The following CHRM3 variants were observed in gnomAD, a reference collection of about 807,000 sequenced individuals.
The protein encoded by CHRM3 is cholinergic receptor muscarinic 3.
Under a neutral mutation model 41.8 loss-of-function variants are expected in CHRM3, and 11 were observed. The ratio of observed to expected loss-of-function variants is 0.26; its 90% CI spans 0.17 to 0.44. The LOEUF (loss-of-function observed/expected upper bound fraction) is 0.44. Ranked by LOEUF, CHRM3 falls within the 20% of genes least tolerant of loss-of-function variation. The pLI, the probability that CHRM3 is intolerant of heterozygous loss-of-function variation, is 1.00. For synonymous variants in CHRM3, 297 were observed against 301.4 expected, an observed-to-expected ratio of 0.99 and a Z score of 0.15; for missense variants, 571 against 745.4, an observed-to-expected ratio of 0.77 and a Z score of 2.72.
At chr1:239,629,096 C>G (rs1405673586) in intron 3 of CHRM3, 1 of 124,680 alleles carries the variant, frequency 8.0e-6, no homozygotes, top group African/African-American at 3.1e-5. Context: ...CGCCCCTCCC[C>G]CAGCCTCGTT....
At chr1:239,772,701 A>G (rs1376055716) in intron 5 of CHRM3, among the ~76,000 whole-genome samples, 1 of 152,074 alleles carries the variant, frequency 6.6e-6, no homozygotes, top group Non-Finnish European at 1.5e-5. Flanking sequence ...ACCCCACTGT[A>G]CATGATGCCT....
At chr1:239,516,713 A>G (rs975066320) in intron 2 of CHRM3, among the ~76,000 whole-genome samples, 1 of 152,194 alleles carries the variant, frequency 6.6e-6, no homozygotes, top group African/African-American at 2.4e-5. Flanking sequence ...GCTATGGCCT[A>G]TTAGGAACCA....
At position 239,784,094 on chromosome 1, in the gene CHRM3, T is replaced by C. The variant is rs539435619; in HGVS notation, c.-146-43158T>C. On this transcript the variant is annotated intron_variant, in intron 5 of 6. Coordinates refer to ENST00000676153, the MANE Select transcript of CHRM3 (RefSeq NM_001375978.1). ...CAAGATTCATCAGTTCTATAAGTTT[T>C]TGCTTCACTTACTTAGATGCTTTCT... is the stretch of plus-strand genomic sequence containing the variant. Among the ~76,000 whole-genome samples, 15 of 152,358 alleles carry C rather than the reference T, an allele frequency of 9.8e-5. No individual in the cohort carries two copies. In the South Asian group the frequency reaches 2.3e-3, roughly 23 times the overall value.
At chr1:239,409,963 A>G (rs997361446) in intron 1 of CHRM3, among the ~76,000 whole-genome samples, 1 of 152,158 alleles carries the variant, frequency 6.6e-6, no homozygotes, top group Admixed American at 6.5e-5. Context: ...CAAAAAAAAG[A>G]TAGCAGAATG....
chr1:239,407,350 C>G (rs1660671732), intron 1 of CHRM3, among the ~76,000 whole-genome samples: 1 of 150,806 alleles, frequency 6.6e-6, no homozygotes, highest in Non-Finnish European at 1.5e-5. Flanking sequence ...TATTTTTTCA[C>G]TCACTGTCTG....
intron 5 of CHRM3, among the ~76,000 whole-genome samples, chr1:239,732,298 C>G (rs1664036396): frequency 7.8e-6 from 1 of 127,642 alleles, no homozygotes. Flanking sequence ...CCTAATATCT[C>G]ACTTAGATAA....
At chr1:239,441,010 G>A (rs1472217817) in intron 1 of CHRM3, among the ~76,000 whole-genome samples, 1 of 152,094 alleles carries the variant, frequency 6.6e-6, no homozygotes, top group Non-Finnish European at 1.5e-5. Context: ...AGTGCTCTTA[G>A]TGTTGACAGT....
At chr1:239,745,076 A>G (rs1335502936) in intron 5 of CHRM3, among the ~76,000 whole-genome samples, 5 of 152,092 alleles carry the variant, frequency 3.3e-5, no homozygotes, top group African/African-American at 4.8e-5. Context: ...AGTGGGAGGA[A>G]GTGGTGATGA....
intron 1 of CHRM3, among the ~76,000 whole-genome samples, chr1:239,467,232 G>A (rs1157264218): frequency 6.6e-6 from 1 of 152,066 alleles, no homozygotes; most frequent in African/African-American, 2.4e-5. Flanking sequence ...AATTATATTT[G>A]TTTTAAATTA....
chr1:239,416,371 A>C (rs1661503766), intron 1 of CHRM3, among the ~76,000 whole-genome samples: 1 of 149,802 alleles, frequency 6.7e-6, no homozygotes, highest in African/African-American at 2.5e-5. Context: ...CAATAATACT[A>C]CTCTCGGTGG....
intron 5 of CHRM3, among the ~76,000 whole-genome samples, chr1:239,825,987 G>A (rs188866726): frequency 2.0e-4 from 31 of 152,288 alleles, no homozygotes; most frequent in African/African-American, 5.8e-4. Flanking sequence ...TACCATTTAC[G>A]TGAGGAACAT....
chr1:239,896,302 A>C (rs376753741), intron 6 of CHRM3, among the ~76,000 whole-genome samples: 38 of 152,176 alleles, frequency 2.5e-4, no homozygotes, highest in African/African-American at 9.2e-4. Flanking sequence ...CCACCACATC[A>C]ACTCAAGCAA....
At chr1:239,697,229 T>G (rs1260713547) in intron 5 of CHRM3, among the ~76,000 whole-genome samples, 2 of 152,112 alleles carry the variant, frequency 1.3e-5, no homozygotes, top group Non-Finnish European at 2.9e-5. Flanking sequence ...TGGGGGCAGG[T>G]CTTTCCCATG....
intron 5 of CHRM3, among the ~76,000 whole-genome samples, chr1:239,824,852 A>T (rs1033283870): frequency 6.6e-6 from 1 of 152,230 alleles, no homozygotes. Context: ...CTGCCTCCTT[A>T]AAGTATTTCA....
intron 4 of CHRM3, among the ~76,000 whole-genome samples, chr1:239,649,296 C>G (rs1011401115): frequency 3.3e-5 from 5 of 152,218 alleles, no homozygotes; most frequent in Non-Finnish European, 4.4e-5. Context: ...AAGCAGAAAG[C>G]GAGTCCTCAC....
At chr1:239,803,449 T>C (rs1670372917) in intron 5 of CHRM3, among the ~76,000 whole-genome samples, 1 of 152,182 alleles carries the variant, frequency 6.6e-6, no homozygotes, top group African/African-American at 2.4e-5. Flanking sequence ...TTCAAAACCA[T>C]GAATTGGCTT....
chr1:239,826,311 A>T (rs912226759), intron 5 of CHRM3, among the ~76,000 whole-genome samples: 1 of 152,168 alleles, frequency 6.6e-6, no homozygotes, highest in Non-Finnish European at 1.5e-5. Flanking sequence ...GCATTTTGCG[A>T]TCTTATAGTT....
rs564402292 is a variant in CHRM3 at position 239,648,678 on chromosome 1, A to C, written c.-250+16392A>C. Among the ~76,000 whole-genome samples the C allele has an allele frequency of 2.0e-5, 3 of 152,296 alleles. No homozygotes were observed. In the East Asian group the frequency reaches 5.8e-4, roughly 29 times the overall value. ...TGATGTGGGGAAGGAATGGAAGCCA[A>C]TTGATAGATTGTTCACAGTGGATGA... On this transcript the variant is annotated intron_variant, in intron 4 of 6. Coordinates refer to ENST00000676153, the MANE Select transcript of CHRM3 (RefSeq NM_001375978.1).
At chr1:239,538,628 C>A (rs1658438558) in intron 2 of CHRM3, among the ~76,000 whole-genome samples, 1 of 152,146 alleles carries the variant, frequency 6.6e-6, no homozygotes, top group African/African-American at 2.4e-5. Flanking sequence ...ACTTAAACTT[C>A]ATTAAAAAAG....
Sources: gnomAD v4.1 joint callset for allele counts (sites outside exome capture counted in the v4.1 genomes callset) on GRCh38, gnomAD v4.1.1 for gene constraint, MANE v1.5 for transcripts, NCBI Gene and HGNC (gene_info 2026-07-23, HGNC 2026-07-21) for gene names.